Variants in PLA2G2C observed in about 807,000 individuals in gnomAD.
PLA2G2C encodes phospholipase A2 group IIC, also known as putative inactive group IIC secretory phospholipase A2.
A neutral mutation model predicts 14.3 loss-of-function variants in PLA2G2C; 15 were observed. That is an observed-to-expected ratio of 1.05 (90% confidence interval 0.70 to 1.62). PLA2G2C has a LOEUF of 1.62. PLA2G2C is among the 40% of genes most tolerant of loss of function. The pLI is 0.00. For missense variants in PLA2G2C, 162 were observed against 173.2 expected (o/e 0.94, Z 0.36); for synonymous variants, 79 against 67.7 (o/e 1.17, Z -0.82).
At chr1:20,177,051 AG>A (rs1333587181) in intron 2 of PLA2G2C, among the ~76,000 whole-genome samples, 2 of 152,222 alleles carry the variant, frequency 1.3e-5, no homozygotes, top group Non-Finnish European at 2.9e-5. Context: ...CTTGAGGGTG[AG>A]GGGGGTAAAA....
intron 1 of PLA2G2C, among the ~76,000 whole-genome samples, chr1:20,179,307 C>T (rs1169231482): frequency 5.4e-5 from 8 of 148,104 alleles, no homozygotes; most frequent in South Asian, 2.2e-4. Context: ...CGCGCACGTG[C>T]GTGCTAGCTT....
chr1:20,174,638 A>G (rs1471720394), intron 3 of PLA2G2C, among the ~76,000 whole-genome samples: 3 of 152,248 alleles, frequency 2.0e-5, no homozygotes, highest in African/African-American at 7.2e-5. Flanking sequence ...CAGAGACTAA[A>G]GCAAAATGAA....
At chr1:20,164,184 G>A in intron 4 of PLA2G2C, 27 bp from the exon 5 acceptor site, 1 of 1,599,226 alleles carries the variant, frequency 6.3e-7, no homozygotes, top group Non-Finnish European at 8.5e-7. Context: ...GGTCACTGGG[G>A]GCTCCCAGCC....
intron 4 of PLA2G2C, among the ~76,000 whole-genome samples, chr1:20,167,183 G>A (rs1460435870): frequency 6.6e-6 from 1 of 152,176 alleles, no homozygotes; most frequent in Non-Finnish European, 1.5e-5. Context: ...TCTGAGGGGT[G>A]TTCTTGGTCA....
intron 4 of PLA2G2C, among the ~76,000 whole-genome samples, chr1:20,171,722 A>G (rs977738379): frequency 1.3e-5 from 2 of 151,648 alleles, no homozygotes; most frequent in African/African-American, 4.8e-5. Flanking sequence ...GAGGCCAGGC[A>G]GGAAGTGAGC....
At chr1:20,165,130 C>T (rs923327051) in intron 4 of PLA2G2C, among the ~76,000 whole-genome samples, 2 of 152,222 alleles carry the variant, frequency 1.3e-5, no homozygotes, top group Non-Finnish European at 2.9e-5. Context: ...CTCTCCCAGC[C>T]TCCCTGCTCT....
At position 20,175,032 on chromosome 1, in the gene PLA2G2C, C is replaced by G; in HGVS notation, c.154G>C (p.Gly52Arg). The change falls in exon 3 of 5, where the codon GGG (glycine) becomes CGG (arginine). Residue 52 changes from glycine (G) to arginine (R), a missense_variant. Transcript: ENST00000679259. ...YGCYCGLGDK[G>R]IPVDDTDRHS... ...CTGTCAGTGTCATCCACGGGGATCC[C>G]TTTATCCCCAAGCCCACAGTAGCAG... is the stretch of plus-strand genomic sequence containing the variant. 1 of 1,613,906 alleles carries G rather than the reference C, an allele frequency of 6.2e-7. No individual in the cohort carries two copies. The highest frequency in any genetic ancestry group is 8.5e-7 in the Non-Finnish European group (1 of 1,179,836).
At chr1:20,179,521 C>CTGTGTGTGTGTG (rs35039220) in intron 1 of PLA2G2C, among the ~76,000 whole-genome samples, 2 of 136,432 alleles carry the variant, frequency 1.5e-5, no homozygotes, top group African/African-American at 5.6e-5. Flanking sequence ...ATGTCAGTTT[C>CTGTGTGTGTGTG]TGTGTGTGTG....
intron 4 of PLA2G2C, among the ~76,000 whole-genome samples, chr1:20,165,712 CTGTGTGCA>C (rs1038451040): frequency 6.8e-6 from 1 of 147,492 alleles, no homozygotes; most frequent in African/African-American, 2.5e-5. Flanking sequence ...ATGCGTGTGC[CTGTGTGCA>C]TGTGTATGCT....
chr1:20,185,199 G>T (rs777474202), intron 1 of PLA2G2C, among the ~76,000 whole-genome samples: 5 of 152,144 alleles, frequency 3.3e-5, no homozygotes, highest in Non-Finnish European at 7.3e-5. Context: ...GTTGGGGATG[G>T]AAGTGCAGGG....
At chr1:20,178,796 C>T (rs964525403) in intron 1 of PLA2G2C, among the ~76,000 whole-genome samples, 4 of 152,226 alleles carry the variant, frequency 2.6e-5, no homozygotes, top group Admixed American at 6.5e-5. Flanking sequence ...CTAATGAGAA[C>T]ATTCTGACCC....
At chr1:20,176,362 C>A (rs1024039862) in intron 2 of PLA2G2C, among the ~76,000 whole-genome samples, 1 of 152,162 alleles carries the variant, frequency 6.6e-6, no homozygotes, top group Non-Finnish European at 1.5e-5. Context: ...AGGAGCTTTA[C>A]CTTGTTGCTA....
At position 20,164,162 on chromosome 1, in the gene PLA2G2C, A is replaced by G. The variant is rs2017934254; in HGVS notation, c.284-5T>C. ...CAGGACCAAGGGTGCATCCACCTAC[A>G]GAGACACAGAGGGTCACTGGGGGCT... On this transcript the variant is annotated splice_region_variant and splice_polypyrimidine_tract_variant and intron_variant, in intron 4 of 4. Coordinates refer to ENST00000679259, the MANE Select transcript of PLA2G2C (RefSeq NM_001367969.2). The G allele has an allele frequency of 6.2e-7, 1 of 1,610,460 alleles. No individual in the cohort carries two copies. The highest frequency in any genetic ancestry group is 1.1e-5 in the South Asian group (1 of 90,740).
At chr1:20,165,119 A>C in intron 4 of PLA2G2C, among the ~76,000 whole-genome samples, 1 of 148,810 alleles carries the variant, frequency 6.7e-6, no homozygotes, top group East Asian at 2.0e-4. Flanking sequence ...CTCCCCCTCC[A>C]CTCTCCCAGC....
At position 20,179,735 on chromosome 1, in the gene PLA2G2C, A is replaced by AGTGTGT. The variant is rs3035013; in HGVS notation, c.-76-2302_-76-2297dup. ...GTGTGTCAGCTTCTCCCTCTATGTC[A>AGTGTGT]GTGTGTGTGTGTGTGTGTGTGTGTG... is the stretch of plus-strand genomic sequence containing the variant. On this transcript the variant is annotated intron_variant, in intron 1 of 4. Coordinates refer to ENST00000679259, the MANE Select transcript of PLA2G2C (RefSeq NM_001367969.2). Among the ~76,000 whole-genome samples the AGTGTGT allele has an allele frequency of 9.9e-3, 1,100 of 111,550 alleles. 11 individuals carry two copies. Among genetic ancestry groups the AGTGTGT allele is most frequent in the African/African-American group, 0.035 (1,026 of 29,522 alleles). 73.2% of individuals were successfully genotyped at this position (111,550 alleles called of 152,430 possible).
chr1:20,185,809 C>G (rs1485438689), intron 1 of PLA2G2C, among the ~76,000 whole-genome samples: 2 of 152,214 alleles, frequency 1.3e-5, no homozygotes, highest in Non-Finnish European at 2.9e-5. Flanking sequence ...CCCCGCTCCT[C>G]CATGCCCCGG....
chr1:20,166,709 C>T (rs1360328952), intron 4 of PLA2G2C, among the ~76,000 whole-genome samples: 1 of 152,182 alleles, frequency 6.6e-6, no homozygotes, highest in Non-Finnish European at 1.5e-5. Flanking sequence ...TCTAGCTCTC[C>T]TTCCTTTCTC....
At chr1:20,166,939 C>T (rs978364329) in intron 4 of PLA2G2C, among the ~76,000 whole-genome samples, 8 of 152,180 alleles carry the variant, frequency 5.3e-5, no homozygotes, top group Admixed American at 1.3e-4. Context: ...CAAGAAAAAC[C>T]GTCTTTGGAG....
intron 4 of PLA2G2C, among the ~76,000 whole-genome samples, chr1:20,171,119 C>G (rs947563977): frequency 1.4e-5 from 2 of 141,328 alleles, no homozygotes; most frequent in Non-Finnish European, 3.1e-5. Flanking sequence ...TGTCCCCACC[C>G]CTGTGGCAAA....
Sources: gnomAD v4.1 joint callset for allele counts (sites outside exome capture counted in the v4.1 genomes callset) on GRCh38, gnomAD v4.1.1 for gene constraint, MANE v1.5 for transcripts, NCBI Gene and HGNC (gene_info 2026-07-23, HGNC 2026-07-21) for gene names.